The following SNX7 variants were observed in gnomAD, a reference collection of about 807,000 sequenced individuals.
SNX7 encodes sorting nexin-7.
Under a neutral mutation model 48.4 loss-of-function variants are expected in SNX7, and 35 were observed. The observed-to-expected ratio is 0.72, with a 90% CI of 0.55 to 0.96. The LOEUF (loss-of-function observed/expected upper bound fraction) is 0.96, where lower values mean the gene tolerates loss of function less well. Among genes scored for constraint, SNX7 ranks in the 40% least tolerant of loss-of-function variants. The pLI is 0.00. For synonymous variants in SNX7, 190 were observed against 190.2 expected (o/e 1.00, Z 0.01); for missense variants, 553 against 548.9 (o/e 1.01, Z -0.07).
In SNX7 at chr1:98,728,341, G is replaced by A. The variant is rs1653303663; in HGVS notation, c.1126-9896G>A. ...CTTTTCAGACAAGCAAATGCTGAGG[G>A]AATTCATCACCACCAGGCCTGCCTT... On this transcript the variant is annotated intron_variant, in intron 7 of 8. Transcript: ENST00000306121. Among the ~76,000 whole-genome samples the A allele has an allele frequency of 3.3e-5, 5 of 152,148 alleles. No homozygotes were observed. In the South Asian group the frequency reaches 8.3e-4, roughly 25 times the overall value.
At chr1:98,682,192 TCTC>T (rs1318106736) in intron 1 of SNX7, among the ~76,000 whole-genome samples, 20 of 152,034 alleles carry the variant, frequency 1.3e-4, no homozygotes, top group Non-Finnish European at 4.4e-5. Flanking sequence ...CGTATTCTGT[TCTC>T]CACCATCCCC....
chr1:98,746,042 A>G (rs1180501898), intron 8 of SNX7, among the ~76,000 whole-genome samples: 1 of 152,074 alleles, frequency 6.6e-6, no homozygotes, highest in Non-Finnish European at 1.5e-5. Context: ...TGATCAGAGC[A>G]AAAGATACAG....
chr1:98,685,244 T>A (rs1415601225), intron 2 of SNX7, among the ~76,000 whole-genome samples, 177 bp downstream of exon 2: 1 of 152,196 alleles, frequency 6.6e-6, no homozygotes, highest in Admixed American at 6.5e-5. Flanking sequence ...TTGTTCTGTA[T>A]TAAGTCAGTG....
intron 1 of SNX7, among the ~76,000 whole-genome samples, chr1:98,663,230 A>G (rs12089905): frequency 0.2 from 24,374 of 124,698 alleles, 3,026 homozygotes; most frequent in East Asian, 0.28. Flanking sequence ...ATGGTGTATC[A>G]GAATCATCAG....
At chr1:98,716,701 G>A (rs972963454) in intron 7 of SNX7, among the ~76,000 whole-genome samples, 35 of 152,034 alleles carry the variant, frequency 2.3e-4, no homozygotes, top group African/African-American at 8.0e-4. Flanking sequence ...ACTCCCTGAT[G>A]TATCATAAAT....
chr1:98,713,107 A>AC (rs1401596838), intron 7 of SNX7, among the ~76,000 whole-genome samples: 62 of 150,716 alleles, frequency 4.1e-4, no homozygotes, highest in Non-Finnish European at 5.2e-4. Context: ...AAAAAAAAAA[A>AC]AAAAACTTGT....
chr1:98,691,545 A>T lies in SNX7; in HGVS notation c.485A>T (p.Glu162Val), dbSNP rs949956626. Reference protein sequence around the residue: ...HPTLIIPPLPEKFIVKGMVER... With the variant: ...HPTLIIPPLPVKFIVKGMVER... ...TTTTTTTTGCCTTAGCCATTGCCAG[A>T]AAAGTTTATAGTAAAAGGAATGGTG... The change falls in exon 4 of 9, where the codon GAA becomes GTA. Residue 162 changes from glutamate to valine, a missense_variant. Transcript: ENST00000306121. 2 of 1,576,664 alleles carry T rather than the reference A, an allele frequency of 1.3e-6. No homozygotes were observed. Among genetic ancestry groups the T allele is most frequent in the South Asian group, 2.4e-5 (2 of 84,366 alleles).
At chr1:98,754,837 GT>G (rs948619431) in intron 8 of SNX7, among the ~76,000 whole-genome samples, 3 of 147,424 alleles carry the variant, frequency 2.0e-5, no homozygotes, top group Non-Finnish European at 4.5e-5. Flanking sequence ...TCTGTTTTTT[GT>G]TTTTTTTTCT....
At chr1:98,701,966 ATGTCCTTACATGAT>A (rs1433595405) in intron 7 of SNX7, 63 bp downstream of exon 7, 10 of 1,073,908 alleles carry the variant, frequency 9.3e-6, no homozygotes, top group South Asian at 5.7e-5. Flanking sequence ...TTTATTAGCA[ATGTCCTTACATGAT>A]TGTCCTTACA....
chr1:98,664,386 G>T (rs560292793), intron 1 of SNX7, among the ~76,000 whole-genome samples: 12 of 152,014 alleles, frequency 7.9e-5, no homozygotes, highest in African/African-American at 2.7e-4. Flanking sequence ...AAATTAGCCG[G>T]GTGTGGTGGT....
chr1:98,683,471 A>G (rs1650613383), intron 1 of SNX7, among the ~76,000 whole-genome samples: 1 of 152,044 alleles, frequency 6.6e-6, no homozygotes, highest in South Asian at 2.1e-4. Flanking sequence ...AGCTGATGAT[A>G]GTAGGAGGTG....
chr1:98,704,224 ATAC>A (rs1274632232), intron 7 of SNX7, among the ~76,000 whole-genome samples: 3 of 152,204 alleles, frequency 2.0e-5, no homozygotes, highest in Admixed American at 6.5e-5. Context: ...AAAGTGTTTA[ATAC>A]CCATGTAGCT....
At chr1:98,670,738 A>T (rs1288125297) in intron 1 of SNX7, among the ~76,000 whole-genome samples, 1 of 152,180 alleles carries the variant, frequency 6.6e-6, no homozygotes, top group African/African-American at 2.4e-5. Context: ...CATTTCTCAG[A>T]ACCTGTCCCC....
At chr1:98,731,532 A>G (rs905891939) in intron 7 of SNX7, among the ~76,000 whole-genome samples, 1 of 152,124 alleles carries the variant, frequency 6.6e-6, no homozygotes, top group Admixed American at 6.5e-5. Flanking sequence ...ATACAGTCAT[A>G]TGTTATTAAA....
chr1:98,725,472 G>A (rs1653115455), intron 7 of SNX7, among the ~76,000 whole-genome samples: 1 of 152,136 alleles, frequency 6.6e-6, no homozygotes, highest in African/African-American at 2.4e-5. Flanking sequence ...ACTGTGCCTG[G>A]TATGGTACTT....
Position 98,684,931 on chromosome 1 carries a change from C to G in SNX7, c.227C>G (p.Thr76Arg). The G allele has an allele frequency of 1.3e-6, 2 of 1,592,700 alleles. No individual in the cohort carries two copies. The highest frequency in any genetic ancestry group is 1.7e-6 in the Non-Finnish European group (2 of 1,168,026). ...AACTCCTTCAGCCCTATGATGCCAACATCCCCTTTATCAATGATAAACCAA... is the reference window on the plus strand; with the variant it reads ...AACTCCTTCAGCCCTATGATGCCAAGATCCCCTTTATCAATGATAAACCAA... ...DMNSFSPMMP[T>R]SPLSMINQIK... The change falls in exon 2 of 9, where the codon ACA becomes AGA. Residue 76 changes from threonine (T) to arginine (R), a missense_variant. Coordinates refer to ENST00000306121, the MANE Select transcript of SNX7 (RefSeq NM_015976.5).
At chr1:98,677,781 C>T (rs756972222) in intron 1 of SNX7, among the ~76,000 whole-genome samples, 21 of 150,646 alleles carry the variant, frequency 1.4e-4, no homozygotes, top group Non-Finnish European at 2.7e-4. Flanking sequence ...GGGAGTCTGA[C>T]GCAGGAGAAT....
intron 8 of SNX7, among the ~76,000 whole-genome samples, chr1:98,751,128 G>T (rs1268971997): frequency 6.6e-6 from 1 of 152,006 alleles, no homozygotes; most frequent in Non-Finnish European, 1.5e-5. Flanking sequence ...TATCCCACAA[G>T]CTTGAGAAAA....
At chr1:98,749,857 A>G (rs776662462) in intron 8 of SNX7, among the ~76,000 whole-genome samples, 1 of 152,106 alleles carries the variant, frequency 6.6e-6, no homozygotes, top group African/African-American at 2.4e-5. Context: ...TTGGGCTTCA[A>G]CGTTTTCTCA....
Sources: allele counts gnomAD v4.1 joint callset (sites outside exome capture counted in the v4.1 genomes callset), GRCh38; gene constraint gnomAD v4.1.1; transcripts MANE v1.5; gene names NCBI Gene and HGNC (gene_info 2026-07-23, HGNC 2026-07-21).